The following TAFA5 variants were observed in gnomAD, a reference collection of about 807,000 sequenced individuals.
The protein encoded by TAFA5 is chemokine-like protein TAFA-5.
Under a neutral mutation model 15.3 loss-of-function variants are expected in TAFA5, and 6 were observed. The observed-to-expected ratio is 0.39, with a 90% CI of 0.21 to 0.77. The LOEUF is 0.77. Ranked by LOEUF, TAFA5 falls within the 30% of genes least tolerant of loss-of-function variation. TAFA5 has a pLI of 0.41. For synonymous variants in TAFA5, 103 were observed against 80.7 expected, an observed-to-expected ratio of 1.28 and a Z score of -1.48; for missense variants, 161 against 193.1, an observed-to-expected ratio of 0.83 and a Z score of 0.98.
At chr22:48,523,657 T>C (rs554427881) in intron 1 of TAFA5, among the ~76,000 whole-genome samples, 2 of 152,246 alleles carry the variant, frequency 1.3e-5, no homozygotes, top group East Asian at 1.9e-4. Flanking sequence ...TGTGCCCAAC[T>C]TGGGCCAGGG....
intron 3 of TAFA5, among the ~76,000 whole-genome samples, chr22:48,711,128 A>G (rs1929239270): frequency 6.6e-6 from 1 of 152,142 alleles, no homozygotes; most frequent in Non-Finnish European, 1.5e-5. Context: ...GGCAGGTGGG[A>G]GTCTGACTGT....
Position 48,545,200 on chromosome 22 carries a change from G to A in TAFA5, c.112+55496G>A, listed in dbSNP as rs973193010. On this transcript the variant is annotated intron_variant, in intron 1 of 3. Transcript: ENST00000402357. ...GCTCTGCCCTCCCCTCAGTCTTTCC[G>A]CCACTCACTGAAGCCTGCCATCCAG... The A allele has an allele frequency of 1.7e-5, 5 of 297,150 alleles. 1 individual carries two copies. Among genetic ancestry groups the A allele is most frequent in the Middle Eastern group, 2.4e-3 (2 of 830 alleles). 18.4% of individuals were successfully genotyped at this position (297,150 alleles called of 1,614,324 possible).
chr22:48,637,607 T>TA (rs1926496741), intron 1 of TAFA5, among the ~76,000 whole-genome samples: 1 of 152,204 alleles, frequency 6.6e-6, no homozygotes, highest in Non-Finnish European at 1.5e-5. Flanking sequence ...GCTCTGCCGT[T>TA]ATCCCTGCTG....
intron 2 of TAFA5, among the ~76,000 whole-genome samples, chr22:48,676,770 A>G (rs1927986936): frequency 6.6e-6 from 1 of 152,224 alleles, no homozygotes; most frequent in African/African-American, 2.4e-5. Flanking sequence ...GCCCTGCTCA[A>G]GTCCTGGTTT....
At chr22:48,624,616 A>G (rs911913432) in intron 1 of TAFA5, among the ~76,000 whole-genome samples, 1 of 152,152 alleles carries the variant, frequency 6.6e-6, no homozygotes, top group African/African-American at 2.4e-5. Flanking sequence ...AGCTCTGGCC[A>G]TGGGCGCTCC....
chr22:48,680,872 C>T lies in TAFA5; in HGVS notation c.263-26845C>T, dbSNP rs771999562. Among the ~76,000 whole-genome samples, 11 of 152,322 alleles carry T rather than the reference C, an allele frequency of 7.2e-5. No individual in the cohort carries two copies. In the East Asian group the frequency reaches 1.5e-3, roughly 21 times the overall value. On this transcript the variant is annotated intron_variant, in intron 2 of 3. Coordinates refer to ENST00000402357, the MANE Select transcript of TAFA5 (RefSeq NM_001082967.3). Reference sequence around the variant, plus strand: ...CTGGGCCGGGCACACCAAGCTGTGTCGGCTCTCATCTTAGGGCGCCCGGGT... The same window carrying T: ...CTGGGCCGGGCACACCAAGCTGTGTTGGCTCTCATCTTAGGGCGCCCGGGT...
At chr22:48,526,632 C>A (rs1164536220) in intron 1 of TAFA5, among the ~76,000 whole-genome samples, 1 of 152,220 alleles carries the variant, frequency 6.6e-6, no homozygotes, top group Non-Finnish European at 1.5e-5. Context: ...CTGGTCCTTA[C>A]AAGAAGAGAC....
intron 1 of TAFA5, among the ~76,000 whole-genome samples, chr22:48,516,860 G>A (rs1921425623): frequency 6.6e-6 from 1 of 152,212 alleles, no homozygotes; most frequent in African/African-American, 2.4e-5. Context: ...GATGGGGAGG[G>A]GCTGTGGGGA....
rs1300932379 is a variant in TAFA5 at position 48,718,644 on chromosome 22, C to T, written c.390+10800C>T. 1.3e-4 allele frequency among the ~76,000 whole-genome samples: 20 copies of T among 152,190 alleles called. 1 individual carries two copies. The highest frequency in any genetic ancestry group is 2.1e-4 in the South Asian group (1 of 4,836). Reference sequence around the variant, plus strand: ...AGCCGGGGCCTTGGGGCCCCCTCCCCGCACAAGGACCCTGGTCCCAGCCAG... The same window carrying T: ...AGCCGGGGCCTTGGGGCCCCCTCCCTGCACAAGGACCCTGGTCCCAGCCAG... On this transcript the variant is annotated intron_variant, in intron 3 of 3. Coordinates refer to ENST00000402357, the MANE Select transcript of TAFA5 (RefSeq NM_001082967.3).
rs545025112 is a variant in TAFA5 at position 48,594,887 on chromosome 22, T to C, written c.113-51710T>C. Among the ~76,000 whole-genome samples the C allele has an allele frequency of 2.6e-5, 4 of 152,124 alleles. No individual in the cohort carries two copies. In the South Asian group the frequency reaches 8.3e-4, roughly 32 times the overall value. On this transcript the variant is annotated intron_variant, in intron 1 of 3. Coordinates refer to ENST00000402357, the MANE Select transcript of TAFA5 (RefSeq NM_001082967.3). ...TTGCCTCCTGAGCACATTTTTTTTTTTTTTTTTGGTGCTCAGAGTAGCCCT... is the reference window on the plus strand; with the variant it reads ...TTGCCTCCTGAGCACATTTTTTTTTCTTTTTTTGGTGCTCAGAGTAGCCCT...
At chr22:48,546,456 T>C in intron 1 of TAFA5, 1 of 470,574 alleles carries the variant, frequency 2.1e-6, no homozygotes, top group Non-Finnish European at 4.4e-6. Context: ...TTGGAGCTTG[T>C]GGGGGAAAGA....
intron 2 of TAFA5, among the ~76,000 whole-genome samples, chr22:48,699,619 A>T (rs1334033238): frequency 6.6e-6 from 1 of 152,052 alleles, no homozygotes; most frequent in Admixed American, 6.6e-5. Context: ...TGTTGTCATC[A>T]CGCCTTATAT....
intron 1 of TAFA5, chr22:48,546,539 A>T (rs1356982003): frequency 4.2e-6 from 2 of 471,114 alleles, no homozygotes; most frequent in Non-Finnish European, 8.8e-6. Flanking sequence ...CGGCTGTGGG[A>T]TGAGAGATAC....
At chr22:48,542,597 GTAT>G (rs1922480076) in intron 1 of TAFA5, among the ~76,000 whole-genome samples, 5 of 109,302 alleles carry the variant, frequency 4.6e-5, no homozygotes, top group African/African-American at 1.9e-4. Context: ...TGTGTGGTGT[GTAT>G]GTGTGTGTGG....
chr22:48,557,675 C>G (rs1020218949), intron 1 of TAFA5, among the ~76,000 whole-genome samples: 1 of 152,226 alleles, frequency 6.6e-6, no homozygotes, highest in South Asian at 2.1e-4. Context: ...CTGAGCGCCA[C>G]GGCCACTCGC....
intron 1 of TAFA5, among the ~76,000 whole-genome samples, chr22:48,575,478 C>T (rs1923739717): frequency 6.8e-6 from 1 of 146,252 alleles, no homozygotes; most frequent in South Asian, 2.1e-4. Context: ...CCTCCCGCCG[C>T]CTCCCCCGAG....
At chr22:48,575,144 C>T (rs1297090018) in intron 1 of TAFA5, among the ~76,000 whole-genome samples, 7 of 152,158 alleles carry the variant, frequency 4.6e-5, no homozygotes, top group African/African-American at 1.7e-4. Context: ...CCCTGTCTCT[C>T]CTGGGGCCTT....
chr22:48,581,400 C>T (rs1924034027), intron 1 of TAFA5, among the ~76,000 whole-genome samples: 1 of 152,206 alleles, frequency 6.6e-6, no homozygotes, highest in Admixed American at 6.5e-5. Context: ...TTGCCGCCGG[C>T]ATCTGTGGAA....
At chr22:48,678,407 A>C (rs1413855631) in intron 2 of TAFA5, among the ~76,000 whole-genome samples, 1 of 152,184 alleles carries the variant, frequency 6.6e-6, no homozygotes, top group Non-Finnish European at 1.5e-5. Context: ...AAATCCATCC[A>C]TGTGTCTCAG....
Sources: gnomAD v4.1 joint callset for allele counts (sites outside exome capture counted in the v4.1 genomes callset) on GRCh38, gnomAD v4.1.1 for gene constraint, MANE v1.5 for transcripts, NCBI Gene and HGNC (gene_info 2026-07-23, HGNC 2026-07-21) for gene names.